KDM4C: variants seen among roughly 807,000 people sequenced by gnomAD.
KDM4C encodes the protein lysine-specific demethylase 4C.
KDM4C carries 81 observed loss-of-function variants against 129.3 expected under a neutral mutation model. The observed-to-expected ratio is 0.63, with a 90% CI of 0.52 to 0.75. The LOEUF (loss-of-function observed/expected upper bound fraction) is 0.75. Ranked by LOEUF, KDM4C falls within the 30% of genes least tolerant of loss-of-function variation. KDM4C has a pLI of 0.00. For synonymous variants in KDM4C, 573 were observed against 456.1 expected, an observed-to-expected ratio of 1.26 and a Z score of -3.26; for missense variants, 1,457 against 1,304.0, an observed-to-expected ratio of 1.12 and a Z score of -1.81.
intron 8 of KDM4C, chr9:6,893,618 A>T (rs1394740589): frequency 6.5e-6 from 1 of 154,988 alleles, no homozygotes; most frequent in African/African-American, 2.4e-5. Flanking sequence ...CACTTTACAG[A>T]AGGGAGTGTC....
intron 12 of KDM4C, among the ~76,000 whole-genome samples, chr9:7,005,194 G>C (rs528260704): frequency 6.6e-6 from 1 of 152,250 alleles, no homozygotes; most frequent in African/African-American, 2.4e-5. Context: ...CCAGCACTTT[G>C]GGAGGCTGAG....
chr9:6,830,205 A>C (rs1450150209), intron 4 of KDM4C, among the ~76,000 whole-genome samples: 6 of 152,280 alleles, frequency 3.9e-5, no homozygotes, highest in African/African-American at 1.4e-4. Flanking sequence ...TGTTTGTAAC[A>C]CAGTGGTATG....
intron 8 of KDM4C, among the ~76,000 whole-genome samples, chr9:6,970,595 G>C (rs560182155): frequency 2.0e-5 from 3 of 152,290 alleles, no homozygotes; most frequent in Admixed American, 2.0e-4. Flanking sequence ...ATTTTGCACT[G>C]TGAAGGAAAG....
intron 18 of KDM4C, among the ~76,000 whole-genome samples, chr9:7,123,649 C>T (rs1282355345): frequency 6.6e-6 from 1 of 152,102 alleles, no homozygotes; most frequent in Non-Finnish European, 1.5e-5. Flanking sequence ...TAGAGTTTAC[C>T]CTGTCATTAA....
intron 5 of KDM4C, among the ~76,000 whole-genome samples, chr9:6,856,637 A>G (rs1195782186): frequency 6.7e-6 from 1 of 149,828 alleles, no homozygotes; most frequent in African/African-American, 2.5e-5. Flanking sequence ...CGGTGTTGCG[A>G]TGATGGCTAA....
chr9:6,730,596 C>T (rs1817291830), intron 1 of KDM4C, among the ~76,000 whole-genome samples: 1 of 146,864 alleles, frequency 6.8e-6, no homozygotes, highest in Middle Eastern at 3.2e-3. Context: ...GCCTGGGCGA[C>T]AGAGCGAGAC....
chr9:6,788,229 T>G (rs1339700587), intron 1 of KDM4C, among the ~76,000 whole-genome samples: 1 of 152,222 alleles, frequency 6.6e-6, no homozygotes, highest in African/African-American at 2.4e-5. Flanking sequence ...ATTGTCTGTT[T>G]CATTCCATTA....
chr9:6,778,344 C>T (rs1013127476), intron 1 of KDM4C, among the ~76,000 whole-genome samples: 1 of 151,014 alleles, frequency 6.6e-6, no homozygotes, highest in African/African-American at 2.4e-5. Flanking sequence ...CCCGCTTGGG[C>T]CTCCCAAAGT....
intron 9 of KDM4C, 40 bp from the exon 10 acceptor site, chr9:6,984,126 G>A (rs1449385451): frequency 2.3e-6 from 3 of 1,309,726 alleles, no homozygotes; most frequent in Admixed American, 1.9e-5. Context: ...CATATCCATT[G>A]CAGACATCCC....
chr9:6,950,277 A>G (rs908769353), intron 8 of KDM4C, among the ~76,000 whole-genome samples: 1 of 152,132 alleles, frequency 6.6e-6, no homozygotes, highest in Admixed American at 6.5e-5. Flanking sequence ...ATAGTTCATT[A>G]TGATTTTTCC....
At chr9:7,087,983 G>T (rs1835336986) in intron 17 of KDM4C, among the ~76,000 whole-genome samples, 1 of 152,210 alleles carries the variant, frequency 6.6e-6, no homozygotes, top group Non-Finnish European at 1.5e-5. Flanking sequence ...CTTTGCACTA[G>T]AATTGCTTTG....
intron 6 of KDM4C, among the ~76,000 whole-genome samples, chr9:6,881,288 G>A (rs1844407227): frequency 6.6e-6 from 1 of 152,086 alleles, no homozygotes; most frequent in African/African-American, 2.4e-5. Context: ...ATTTTGTCAG[G>A]CTAATAACTA....
chr9:6,893,730 A>G (rs1451209801), intron 8 of KDM4C: 1 of 152,286 alleles, frequency 6.6e-6, no homozygotes, highest in Admixed American at 6.5e-5. Flanking sequence ...CATGTAGAAC[A>G]CATTTTAACA....
At chr9:7,098,715 C>G (rs1293193892) in intron 17 of KDM4C, among the ~76,000 whole-genome samples, 2 of 152,136 alleles carry the variant, frequency 1.3e-5, no homozygotes, top group Non-Finnish European at 2.9e-5. Context: ...CTTTATTAAT[C>G]TACTCTCTCT....
At chr9:6,857,798 A>C (rs1840139657) in intron 5 of KDM4C, among the ~76,000 whole-genome samples, 1 of 149,684 alleles carries the variant, frequency 6.7e-6, no homozygotes. Flanking sequence ...TCTGTTGCTC[A>C]GATTGGAGTG....
chr9:6,890,267 C>T (rs762172815), intron 7 of KDM4C, among the ~76,000 whole-genome samples: 8 of 152,204 alleles, frequency 5.3e-5, no homozygotes, highest in Middle Eastern at 3.4e-3. Context: ...TTAGTTTCTT[C>T]GACTGTAAAA....
At chr9:6,965,113 C>A (rs1223930806) in intron 8 of KDM4C, among the ~76,000 whole-genome samples, 1 of 151,702 alleles carries the variant, frequency 6.6e-6, no homozygotes, top group African/African-American at 2.4e-5. Context: ...CTTTGTTTCC[C>A]ATTACTCTTT....
intron 2 of KDM4C, among the ~76,000 whole-genome samples, chr9:6,797,247 A>C (rs1409341185): frequency 6.6e-6 from 1 of 152,064 alleles, no homozygotes; most frequent in Non-Finnish European, 1.5e-5. Context: ...TTGGCCTCCC[A>C]AAGTGCTGGG....
chr9:6,766,551 C>A (rs535440347), intron 1 of KDM4C, among the ~76,000 whole-genome samples: 1 of 152,068 alleles, frequency 6.6e-6, no homozygotes. Context: ...TGAACTTTTT[C>A]AGTCGACCGA....
Sources: gnomAD v4.1 joint callset for allele counts (sites outside exome capture counted in the v4.1 genomes callset) on GRCh38, gnomAD v4.1.1 for gene constraint, MANE v1.5 for transcripts, NCBI Gene and HGNC (gene_info 2026-07-23, HGNC 2026-07-21) for gene names.